Variants in TNNI3K observed in about 807,000 individuals in gnomAD.
The protein encoded by TNNI3K is TNNI3 interacting kinase.
In TNNI3K, 140 loss-of-function variants were observed where a neutral mutation model predicts 114.5. The ratio of observed to expected loss-of-function variants is 1.22; its 90% CI spans 1.07 to 1.41. The LOEUF (loss-of-function observed/expected upper bound fraction) is 1.41, where lower values mean the gene tolerates loss of function less well. Ranked by LOEUF, TNNI3K falls within the 40% of genes most tolerant of loss-of-function variation. TNNI3K has a pLI of 0.00. For synonymous variants in TNNI3K, 347 were observed against 347.5 expected (o/e 1.00, Z 0.02); for missense variants, 1,125 against 1,007.6 (o/e 1.12, Z -1.58).
intron 5 of TNNI3K, among the ~76,000 whole-genome samples, chr1:74,319,658 T>C (rs949210590): frequency 2.6e-5 from 4 of 152,206 alleles, no homozygotes; most frequent in Non-Finnish European, 4.4e-5. Flanking sequence ...GCAATGCTAT[T>C]CTCCAAAAAG....
intron 20 of TNNI3K, among the ~76,000 whole-genome samples, chr1:74,461,343 G>C (rs1470126755): frequency 2.0e-5 from 3 of 152,074 alleles, no homozygotes; most frequent in African/African-American, 7.2e-5. Context: ...AGCTGGGGGT[G>C]GTGGCATGTG....
intron 11 of TNNI3K, among the ~76,000 whole-genome samples, chr1:74,356,786 C>G (rs1445677587): frequency 1.3e-5 from 2 of 152,146 alleles, no homozygotes; most frequent in Non-Finnish European, 2.9e-5. Context: ...CAACAAAGAT[C>G]CTTTAACTTA....
At chr1:74,463,042 A>T (rs1490421886) in intron 20 of TNNI3K, among the ~76,000 whole-genome samples, 1 of 152,218 alleles carries the variant, frequency 6.6e-6, no homozygotes, top group African/African-American at 2.4e-5. Context: ...GTGGTATTCC[A>T]TGTTTACTAC....
At chr1:74,437,945 T>G (rs1262306071) in intron 19 of TNNI3K, among the ~76,000 whole-genome samples, 1 of 151,770 alleles carries the variant, frequency 6.6e-6, no homozygotes, top group Non-Finnish European at 1.5e-5. Flanking sequence ...AAATAAGCTT[T>G]TGTTGAATGT....
intron 23 of TNNI3K, among the ~76,000 whole-genome samples, chr1:74,528,907 AC>A (rs1646543410): frequency 6.6e-6 from 1 of 152,230 alleles, no homozygotes; most frequent in Non-Finnish European, 1.5e-5. Flanking sequence ...AAGGTACAAA[AC>A]AAGAAAATAA....
intron 21 of TNNI3K, among the ~76,000 whole-genome samples, chr1:74,465,173 C>A (rs1399703509): frequency 2.0e-5 from 3 of 152,212 alleles, no homozygotes; most frequent in African/African-American, 7.2e-5. Flanking sequence ...GTAGTCCACT[C>A]TGGCCACACA....
chr1:74,488,470 A>G (rs1668878443), intron 21 of TNNI3K, among the ~76,000 whole-genome samples: 1 of 152,214 alleles, frequency 6.6e-6, no homozygotes, highest in Admixed American at 6.5e-5. Context: ...AGGAGAAATG[A>G]TAGGGTGTAT....
chr1:74,431,815 C>G (rs1282888519), intron 17 of TNNI3K, among the ~76,000 whole-genome samples: 1 of 152,120 alleles, frequency 6.6e-6, no homozygotes, highest in Non-Finnish European at 1.5e-5. Flanking sequence ...TGAACTTAAG[C>G]CTCACTTGAC....
At chr1:74,466,814 A>T (rs1309826753) in intron 21 of TNNI3K, among the ~76,000 whole-genome samples, 3 of 152,312 alleles carry the variant, frequency 2.0e-5, no homozygotes, top group East Asian at 3.9e-4. Context: ...TCTTTCCTTC[A>T]ACAATTATTT....
intron 22 of TNNI3K, among the ~76,000 whole-genome samples, chr1:74,490,332 G>A (rs1669002004): frequency 6.6e-6 from 1 of 152,186 alleles, no homozygotes. Context: ...TCTGCCAGAA[G>A]CCTTGGGTAT....
At chr1:74,399,621 A>G (rs1447398389) in intron 17 of TNNI3K, among the ~76,000 whole-genome samples, 1 of 152,170 alleles carries the variant, frequency 6.6e-6, no homozygotes, top group Non-Finnish European at 1.5e-5. Flanking sequence ...AGAGACTGGT[A>G]AAAGAATCCC....
At chr1:74,360,783 TC>T (rs1661922358) in intron 11 of TNNI3K, among the ~76,000 whole-genome samples, 1 of 152,072 alleles carries the variant, frequency 6.6e-6, no homozygotes, top group African/African-American at 2.4e-5. Flanking sequence ...AGCACATACA[TC>T]CTTTCTTTAT....
chr1:74,256,283 C>CTTTTTTT (rs61636791), intron 4 of TNNI3K, among the ~76,000 whole-genome samples: 3 of 42,800 alleles, frequency 7.0e-5, no homozygotes, highest in Non-Finnish European at 1.0e-4. Flanking sequence ...TGTGGTCAGT[C>CTTTTTTT]TTTTTTTTTT....
At chr1:74,412,688 C>T (rs920383328) in intron 17 of TNNI3K, among the ~76,000 whole-genome samples, 1 of 152,118 alleles carries the variant, frequency 6.6e-6, no homozygotes, top group Non-Finnish European at 1.5e-5. Context: ...GATCTCAGTT[C>T]ACTGGAACCT....
chr1:74,471,128 T>C, intron 21 of TNNI3K: 1 of 400,770 alleles, frequency 2.5e-6, no homozygotes, highest in Non-Finnish European at 4.4e-6. Flanking sequence ...CCATCAGGAA[T>C]GTGGCCAGCT....
In TNNI3K at chr1:74,367,073, A is replaced by G. The variant is rs2880794; in HGVS notation, c.1178-183A>G. Among the ~76,000 whole-genome samples, 92,114 of 151,830 alleles carry G rather than the reference A, an allele frequency of 0.61. 31,026 individuals are homozygous for G. Among genetic ancestry groups the G allele is most frequent in the East Asian group, 0.82 (4,202 of 5,132 alleles). ...GAGTGCCTGACATAGTGCTTCGCAT[A>G]TGGTAGTCTTAAGAAATCATTTTGA... On this transcript the variant is annotated intron_variant, in intron 11 of 24. Coordinates refer to ENST00000326637, the MANE Select transcript of TNNI3K (RefSeq NM_015978.3).
At chr1:74,475,434 C>A in intron 21 of TNNI3K, 2 of 717,094 alleles carry the variant, frequency 2.8e-6, no homozygotes, top group South Asian at 1.5e-5. Flanking sequence ...TTCCAGGAGG[C>A]TCTGAACATT....
intron 4 of TNNI3K, among the ~76,000 whole-genome samples, chr1:74,254,329 T>C (rs1655143240): frequency 6.6e-6 from 1 of 152,222 alleles, no homozygotes; most frequent in Admixed American, 6.5e-5. Context: ...TGATAATCTA[T>C]AGTTCAAATT....
intron 10 of TNNI3K, among the ~76,000 whole-genome samples, 194 bp from the exon 11 acceptor site, chr1:74,353,786 A>G (rs1661513283): frequency 6.6e-6 from 1 of 152,224 alleles, no homozygotes; most frequent in East Asian, 1.9e-4. Context: ...AAGGTTGAGT[A>G]CAATATAATA....
Sources: gnomAD v4.1 joint callset for allele counts (sites outside exome capture counted in the v4.1 genomes callset) on GRCh38, gnomAD v4.1.1 for gene constraint, MANE v1.5 for transcripts, NCBI Gene and HGNC (gene_info 2026-07-23, HGNC 2026-07-21) for gene names.